PKNOX2: variants seen among roughly 807,000 people sequenced by gnomAD.
The protein encoded by PKNOX2 is PBX/knotted 1 homeobox 2.
Under a neutral mutation model 53.1 loss-of-function variants are expected in PKNOX2, and 14 were observed. That is an observed-to-expected ratio of 0.26 (90% CI 0.17 to 0.41). PKNOX2 has a LOEUF of 0.41. PKNOX2 is among the 10% of genes least tolerant of loss of function. PKNOX2 has a pLI of 1.00. For synonymous variants in PKNOX2, 257 were observed against 242.8 expected (o/e 1.06, Z -0.54); for missense variants, 496 against 602.8 (o/e 0.82, Z 1.85).
At chr11:125,386,986 G>A (rs1004611823) in intron 6 of PKNOX2, among the ~76,000 whole-genome samples, 6 of 152,186 alleles carry the variant, frequency 3.9e-5, no homozygotes, top group African/African-American at 1.2e-4. Context: ...GTCAGTGAAG[G>A]CATCCGAGAG....
At chr11:125,335,698 G>C (rs1163975670) in intron 3 of PKNOX2, among the ~76,000 whole-genome samples, 3 of 152,168 alleles carry the variant, frequency 2.0e-5, no homozygotes, top group Non-Finnish European at 2.9e-5. Context: ...CACACCTGTA[G>C]TTCCAGCTAC....
At chr11:125,236,259 G>A (rs866618585) in intron 2 of PKNOX2, among the ~76,000 whole-genome samples, 1 of 152,036 alleles carries the variant, frequency 6.6e-6, no homozygotes, top group Non-Finnish European at 1.5e-5. Flanking sequence ...TGTGATTGAC[G>A]GGCCTGGGCT....
intron 7 of PKNOX2, among the ~76,000 whole-genome samples, chr11:125,407,867 T>A (rs953593886): frequency 1.3e-5 from 2 of 152,112 alleles, no homozygotes; most frequent in Non-Finnish European, 2.9e-5. Flanking sequence ...GAACTCAAAC[T>A]CAGAGCAGTC....
chr11:125,196,117 G>A (rs1393695591), intron 1 of PKNOX2, among the ~76,000 whole-genome samples: 8 of 152,094 alleles, frequency 5.3e-5, no homozygotes, highest in Non-Finnish European at 1.2e-4. Flanking sequence ...CCTTAGAGGG[G>A]CGACTTTTGC....
At chr11:125,327,463 T>A (rs996157710) in intron 2 of PKNOX2, among the ~76,000 whole-genome samples, 4 of 152,240 alleles carry the variant, frequency 2.6e-5, no homozygotes, top group African/African-American at 9.6e-5. Context: ...TCCATTTCTC[T>A]CTGACTTTCT....
intron 10 of PKNOX2, among the ~76,000 whole-genome samples, chr11:125,415,199 T>A (rs1260982501): frequency 6.7e-6 from 1 of 150,324 alleles, no homozygotes; most frequent in Non-Finnish European, 1.5e-5. Flanking sequence ...CATGGTGAAA[T>A]AAGTTTGGGC....
At chr11:125,354,090 C>T (rs1027930700) in intron 4 of PKNOX2, among the ~76,000 whole-genome samples, 2 of 152,232 alleles carry the variant, frequency 1.3e-5, no homozygotes, top group Non-Finnish European at 2.9e-5. Context: ...TCCGTGCATG[C>T]CTGGCTGCTG....
chr11:125,351,174 G>T (rs1419083864), intron 3 of PKNOX2, 110 bp from the exon 4 acceptor site: 1 of 711,476 alleles, frequency 1.4e-6, no homozygotes, highest in Non-Finnish European at 2.6e-6. Context: ...AACCCTTGCC[G>T]CATCCAGCCG....
intron 1 of PKNOX2, among the ~76,000 whole-genome samples, chr11:125,192,315 C>T (rs940990048): frequency 6.6e-6 from 1 of 152,194 alleles, no homozygotes; most frequent in African/African-American, 2.4e-5. Flanking sequence ...CAGAGCTATG[C>T]ACTCATTCAC....
At chr11:125,430,254 G>A (rs1054828075) in intron 12 of PKNOX2, 113 bp downstream of exon 12, 28 of 1,248,416 alleles carry the variant, frequency 2.2e-5, no homozygotes, top group South Asian at 3.1e-5. Flanking sequence ...GGCTCCCATC[G>A]CTGCCATGCC....
chr11:125,224,041 C>T (rs1393003681), intron 1 of PKNOX2, among the ~76,000 whole-genome samples: 2 of 152,268 alleles, frequency 1.3e-5, no homozygotes, highest in Non-Finnish European at 2.9e-5. Flanking sequence ...TGCGGCCTTG[C>T]TCACACAGCT....
intron 2 of PKNOX2, among the ~76,000 whole-genome samples, chr11:125,305,182 A>G (rs1010790930): frequency 3.3e-5 from 5 of 152,180 alleles, no homozygotes; most frequent in Admixed American, 3.3e-4. Context: ...CAGAGGCTCC[A>G]GAGCAGAAAG....
chr11:125,333,898 C>T (rs999581805), intron 3 of PKNOX2, among the ~76,000 whole-genome samples: 1 of 152,160 alleles, frequency 6.6e-6, no homozygotes, highest in Non-Finnish European at 1.5e-5. Context: ...GGAGCATTTA[C>T]ATTTTGCAAT....
chr11:125,426,116 A>G (rs554399004), intron 10 of PKNOX2, among the ~76,000 whole-genome samples: 3 of 152,184 alleles, frequency 2.0e-5, no homozygotes, highest in Non-Finnish European at 4.4e-5. Flanking sequence ...CTCCTTAGAG[A>G]CAGCAAACAT....
intron 1 of PKNOX2, among the ~76,000 whole-genome samples, chr11:125,174,549 C>A (rs1476457015): frequency 6.6e-6 from 1 of 152,182 alleles, no homozygotes; most frequent in Non-Finnish European, 1.5e-5. Flanking sequence ...GTCCATCAGG[C>A]ACCATGAGTT....
chr11:125,340,055 C>T (rs1950604544), intron 3 of PKNOX2, among the ~76,000 whole-genome samples: 1 of 152,168 alleles, frequency 6.6e-6, no homozygotes, highest in Admixed American at 6.5e-5. Flanking sequence ...TTCCCATCTC[C>T]TGCTCATTTT....
intron 6 of PKNOX2, among the ~76,000 whole-genome samples, chr11:125,393,595 G>A (rs1383139892): frequency 6.6e-6 from 1 of 152,132 alleles, no homozygotes; most frequent in Non-Finnish European, 1.5e-5. Flanking sequence ...TCCTGGTAAT[G>A]TTCAGAGAGT....
At chr11:125,236,499 G>A (rs67012209) in intron 2 of PKNOX2, among the ~76,000 whole-genome samples, 20,510 of 152,062 alleles carry the variant, frequency 0.13, 1,459 homozygotes, top group Non-Finnish European at 0.16. Flanking sequence ...GGAGCAAGCT[G>A]AGCATGAACC....
At chr11:125,411,626 G>A in intron 9 of PKNOX2, 120 bp from the exon 10 acceptor site, 1 of 1,532,066 alleles carries the variant, frequency 6.5e-7, no homozygotes, top group South Asian at 1.1e-5. Flanking sequence ...CCTCCCCAGG[G>A]CCCTAGGAAT....
Sources: allele counts gnomAD v4.1 joint callset (sites outside exome capture counted in the v4.1 genomes callset), GRCh38; gene constraint gnomAD v4.1.1; transcripts MANE v1.5; gene names NCBI Gene and HGNC (gene_info 2026-07-23, HGNC 2026-07-21).